PCDHA6: variants seen among roughly 807,000 people sequenced by gnomAD.
The protein encoded by PCDHA6 is protocadherin alpha 6.
PCDHA6 carries 55 observed loss-of-function variants against 60.3 expected under a neutral mutation model. The ratio of observed to expected loss-of-function variants is 0.91; its 90% CI spans 0.73 to 1.14. PCDHA6 has a LOEUF of 1.14. Ranked by LOEUF, PCDHA6 falls within the 50% of genes most tolerant of loss-of-function variation. The pLI, the probability that PCDHA6 is intolerant of heterozygous loss-of-function variation, is 0.00. For synonymous variants in PCDHA6, 652 were observed against 557.9 expected (o/e 1.17, Z -2.38); for missense variants, 1,327 against 1,256.5 (o/e 1.06, Z -0.85).
chr5:140,871,935 T>A (rs373740331), intron 1 of PCDHA6, among the ~76,000 whole-genome samples: 2 of 152,262 alleles, frequency 1.3e-5, no homozygotes, highest in Non-Finnish European at 2.9e-5. Flanking sequence ...TTAGATCAAC[T>A]GGCTTTGTTT....
At chr5:141,006,579 T>C (rs1208750821) in intron 3 of PCDHA6, among the ~76,000 whole-genome samples, 1 of 151,702 alleles carries the variant, frequency 6.6e-6, no homozygotes, top group Non-Finnish European at 1.5e-5. Context: ...GTGTGGAGGG[T>C]TGGAGAGAAG....
At chr5:140,978,485 A>G (rs992352505) in intron 1 of PCDHA6, among the ~76,000 whole-genome samples, 2 of 152,264 alleles carry the variant, frequency 1.3e-5, no homozygotes, top group Admixed American at 1.3e-4. Flanking sequence ...CAGTCTGCAA[A>G]GCCAGCAGCA....
intron 1 of PCDHA6, among the ~76,000 whole-genome samples, chr5:140,909,538 A>T (rs1204423392): frequency 6.6e-6 from 1 of 152,148 alleles, no homozygotes; most frequent in East Asian, 1.9e-4. Context: ...TGAGTCCTTG[A>T]TGGTGGCACT....
intron 1 of PCDHA6, among the ~76,000 whole-genome samples, chr5:140,961,406 G>C (rs1046743232): frequency 4.6e-5 from 7 of 152,008 alleles, no homozygotes; most frequent in Non-Finnish European, 1.0e-4. Flanking sequence ...AACACTTTTT[G>C]GCATGTTATT....
chr5:140,884,479 C>T, intron 1 of PCDHA6: 1 of 1,613,914 alleles, frequency 6.2e-7, no homozygotes, highest in Non-Finnish European at 8.5e-7. Context: ...CGGGCAAGCC[C>T]ACTCTAGTGT....
chr5:140,891,756 G>A (rs782304941), intron 1 of PCDHA6, among the ~76,000 whole-genome samples: 20 of 152,144 alleles, frequency 1.3e-4, no homozygotes, highest in Non-Finnish European at 2.5e-4. Flanking sequence ...AACAGTGTTG[G>A]GAGGTGGGGA....
intron 1 of PCDHA6, among the ~76,000 whole-genome samples, chr5:140,840,813 G>A (rs1465831729): frequency 6.6e-6 from 1 of 152,040 alleles, no homozygotes; most frequent in South Asian, 2.1e-4. Context: ...ATATACCAGT[G>A]TTTCTGGTGA....
At chr5:140,890,634 T>A (rs986470825) in intron 1 of PCDHA6, among the ~76,000 whole-genome samples, 3 of 152,204 alleles carry the variant, frequency 2.0e-5, no homozygotes, top group African/African-American at 7.2e-5. Context: ...TAAGCATGTA[T>A]CCTTGATATA....
chr5:140,842,623 G>C, intron 1 of PCDHA6: 1 of 1,579,148 alleles, frequency 6.3e-7, no homozygotes, highest in Non-Finnish European at 8.6e-7. Context: ...GCTCGCCTTC[G>C]CTGTGGGCCA....
chr5:140,842,478 C>T (rs449407), intron 1 of PCDHA6: 1 of 1,613,928 alleles, frequency 6.2e-7, no homozygotes, highest in East Asian at 2.2e-5. Flanking sequence ...GGGCAGGTGA[C>T]CTGCTCCCTG....
At chr5:140,920,930 T>C (rs1286502333) in intron 1 of PCDHA6, among the ~76,000 whole-genome samples, 1 of 151,962 alleles carries the variant, frequency 6.6e-6, no homozygotes, top group Non-Finnish European at 1.5e-5. Flanking sequence ...GTAGGTGATC[T>C]AGCCCTTTCA....
chr5:140,857,394 A>G, intron 1 of PCDHA6: 1 of 1,598,398 alleles, frequency 6.3e-7, no homozygotes, highest in Non-Finnish European at 8.6e-7. Flanking sequence ...GACGTGAACG[A>G]CAACGCGCCT....
At position 140,829,906 on chromosome 5, in the gene PCDHA6, G is replaced by T. The variant is rs2150177512; in HGVS notation, c.1815G>T (p.Ala605=). ...RAVDADSGYN[A]WLSYELQPPA... Reference sequence around the variant, plus strand: ...TTGACGCCGACTCAGGCTACAACGCGTGGCTTTCGTATGAGCTGCAGCCCC... The same window carrying T: ...TTGACGCCGACTCAGGCTACAACGCTTGGCTTTCGTATGAGCTGCAGCCCC... Residue 605 remains alanine (A), a synonymous_variant, in exon 1 of 4, where the codon GCG becomes GCT. Transcript: ENST00000529310. 12 of 1,613,982 alleles carry T rather than the reference G, an allele frequency of 7.4e-6. No individual in the cohort carries two copies. Among genetic ancestry groups the T allele is most frequent in the African/African-American group, 1.3e-5 (1 of 75,058 alleles).
intron 1 of PCDHA6, among the ~76,000 whole-genome samples, chr5:140,873,038 G>A (rs1304592086): frequency 1.3e-5 from 2 of 152,120 alleles, no homozygotes; most frequent in Admixed American, 6.5e-5. Context: ...CACGTAGAGT[G>A]GTGGTATTAC....
chr5:140,961,278 C>T (rs1205288915), intron 1 of PCDHA6, among the ~76,000 whole-genome samples: 1 of 152,192 alleles, frequency 6.6e-6, no homozygotes, highest in Non-Finnish European at 1.5e-5. Context: ...TTTACCATGG[C>T]TCTGTTTCTT....
chr5:140,831,815 T>C (rs1475150566), intron 1 of PCDHA6, among the ~76,000 whole-genome samples: 1 of 152,196 alleles, frequency 6.6e-6, no homozygotes, highest in Admixed American at 6.6e-5. Flanking sequence ...AAAGTTGGAA[T>C]GATAAACACT....
intron 1 of PCDHA6, chr5:140,875,959 G>C (rs1448292250): frequency 5.0e-6 from 8 of 1,614,070 alleles, no homozygotes; most frequent in South Asian, 2.2e-5. Context: ...TGCGGATATC[G>C]GCGTAAACTC....
At chr5:140,917,379 T>C (rs1393963383) in intron 1 of PCDHA6, among the ~76,000 whole-genome samples, 1 of 147,708 alleles carries the variant, frequency 6.8e-6, no homozygotes, top group African/African-American at 2.5e-5. Context: ...TCCACCTCAA[T>C]AGTCTGATGT....
chr5:140,990,825 AAGCCTATTAGCAAAAATAG>A (rs2097418390), intron 3 of PCDHA6, among the ~76,000 whole-genome samples: 1 of 152,202 alleles, frequency 6.6e-6, no homozygotes, highest in Non-Finnish European at 1.5e-5. Flanking sequence ...CTCTCAGCTA[AAGCCTATTAGCAAAAATAG>A]AGCCCTGAGG....
Sources: allele counts gnomAD v4.1 joint callset (sites outside exome capture counted in the v4.1 genomes callset), GRCh38; gene constraint gnomAD v4.1.1; transcripts MANE v1.5; gene names NCBI Gene and HGNC (gene_info 2026-07-23, HGNC 2026-07-21).